The following XPNPEP2 variants were observed in gnomAD, a reference collection of about 807,000 sequenced individuals.
The protein encoded by XPNPEP2 is X-prolyl aminopeptidase 2.
In XPNPEP2, 64 loss-of-function variants were observed where a neutral mutation model predicts 59.8. That is an observed-to-expected ratio of 1.07 (90% CI 0.87 to 1.32). XPNPEP2 has a LOEUF of 1.32. XPNPEP2 is among the 40% of genes most tolerant of loss of function. XPNPEP2 has a pLI of 0.00. For missense variants in XPNPEP2, 575 were observed against 546.8 expected, an observed-to-expected ratio of 1.05 and a Z score of -0.51; for synonymous variants, 235 against 210.0, an observed-to-expected ratio of 1.12 and a Z score of -1.03.
At chrX:129,744,499 C>T (rs180679778) in intron 3 of XPNPEP2, among the ~76,000 whole-genome samples, 7 of 111,724 alleles carry the variant, frequency 6.3e-5, no homozygotes, top group Non-Finnish European at 1.3e-4. Context: ...TAAGGGAGCG[C>T]GGGGTTGGTT....
chrX:129,755,339 T>C lies in XPNPEP2; in HGVS notation c.1263T>C (p.Ala421=). Residue 421 remains alanine, a synonymous_variant, in exon 13 of 21, where the codon GCT becomes GCC. Transcript: ENST00000371106. ...SSGPSFETIS[A]SGLNAALAHY... Reference sequence around the variant, plus strand: ...GACCCAGTTTTGAAACCATCTCTGCTAGTGGTCTGAATGCTGCCCTGGCCC... The same window carrying C: ...GACCCAGTTTTGAAACCATCTCTGCCAGTGGTCTGAATGCTGCCCTGGCCC... 8.3e-7 allele frequency: 1 copy of C among 1,211,956 alleles called. No homozygotes were observed. The highest frequency in any genetic ancestry group is 1.1e-6 in the Non-Finnish European group (1 of 895,509).
chrX:129,768,243 C>G, intron 20 of XPNPEP2, 48 bp from the exon 21 acceptor site: 2 of 1,115,524 alleles, frequency 1.8e-6, no homozygotes, highest in Non-Finnish European at 2.4e-6. Flanking sequence ...GACTTCACCT[C>G]TTGGCAGCTT....
intron 8 of XPNPEP2, among the ~76,000 whole-genome samples, chrX:129,751,091 C>A: frequency 1.5e-5 from 1 of 67,206 alleles, no homozygotes; most frequent in African/African-American, 5.6e-5. Context: ...ATCTCAAAGA[C>A]GCCCACTCCC....
chrX:129,742,354 C>T (rs1346749022), intron 2 of XPNPEP2, among the ~76,000 whole-genome samples, 173 bp downstream of exon 2: 1 of 105,543 alleles, frequency 9.5e-6, no homozygotes, highest in East Asian at 3.0e-4. Context: ...GATTTCCGGA[C>T]TCTTGGGCCC....
At chrX:129,759,349 T>C in intron 15 of XPNPEP2, 109 bp downstream of exon 15, 1 of 991,572 alleles carries the variant, frequency 1.0e-6, no homozygotes, top group Non-Finnish European at 1.4e-6. Context: ...AGAGGTTAAG[T>C]AGTTTGCCCA....
intron 18 of XPNPEP2, among the ~76,000 whole-genome samples, 162 bp from the exon 19 acceptor site, chrX:129,762,532 C>T: frequency 8.9e-6 from 1 of 111,751 alleles, no homozygotes. Context: ...TGAGTTGCCT[C>T]TGCTTAGCCA....
intron 13 of XPNPEP2, 57 bp from the exon 14 acceptor site, chrX:129,756,427 C>T: frequency 1.7e-6 from 2 of 1,159,700 alleles, no homozygotes; most frequent in Non-Finnish European, 2.4e-6. Flanking sequence ...CCAAGGCCTC[C>T]CACGTGACCC....
At position 129,761,995 on chromosome X, in the gene XPNPEP2, T is replaced by G. The variant is rs142514147; in HGVS notation, c.1604-11T>G. On this transcript the variant is annotated splice_polypyrimidine_tract_variant and intron_variant, in intron 17 of 20. Transcript: ENST00000371106. Reference sequence around the variant, plus strand: ...GGAGAACTGATACCATGTTTATGTCTTCCTTTCTAGGGCCAGTGGGATTCC... The same window carrying G: ...GGAGAACTGATACCATGTTTATGTCGTCCTTTCTAGGGCCAGTGGGATTCC... 1.5e-3 allele frequency: 1,826 copies of G among 1,209,777 alleles called. 20 individuals carry two copies. The African/African-American group carries it at 0.027, about 18-fold the overall frequency.
chrX:129,750,333 G>A, intron 7 of XPNPEP2, 135 bp from the exon 8 acceptor site: 2 of 465,930 alleles, frequency 4.3e-6, no homozygotes, highest in Non-Finnish European at 7.3e-6. Flanking sequence ...ACACAAGTAA[G>A]AGTTTGTTTG....
rs146974093 is a variant in XPNPEP2 at position 129,748,331 on chromosome X, G to A, written c.637+578G>A. ...ATATAACATCAATAACCTTGACCCCGTTGACACTATCTAAATCCATCACAA... is the reference window on the plus strand; with the variant it reads ...ATATAACATCAATAACCTTGACCCCATTGACACTATCTAAATCCATCACAA... On this transcript the variant is annotated intron_variant, in intron 7 of 20. Coordinates refer to ENST00000371106, the MANE Select transcript of XPNPEP2 (RefSeq NM_003399.6). Among the ~76,000 whole-genome samples the A allele has an allele frequency of 2.3e-4, 26 of 112,195 alleles. No individual in the cohort carries two copies. The East Asian group carries it at 3.3e-3, about 14-fold the overall frequency.
intron 3 of XPNPEP2, among the ~76,000 whole-genome samples, 188 bp downstream of exon 3, chrX:129,744,259 A>C (rs774839845): frequency 1.8e-5 from 2 of 112,446 alleles, no homozygotes; most frequent in Admixed American, 1.9e-4. Context: ...ATAGGCGGGC[A>C]GACATTGCCA....
At chrX:129,759,076 A>ACCCAT in intron 14 of XPNPEP2, 104 bp from the exon 15 acceptor site, 2 of 973,820 alleles carry the variant, frequency 2.1e-6, no homozygotes, top group East Asian at 3.1e-5. Flanking sequence ...TTCGCCGTCC[A>ACCCAT]CCCATCCCAT....
In XPNPEP2 at chrX:129,761,280, G is replaced by A. The variant is rs1377167992; in HGVS notation, c.1603+4G>A. 8.3e-7 allele frequency: 1 copy of A among 1,200,576 alleles called. No individual in the cohort carries two copies. Among genetic ancestry groups the A allele is most frequent in the East Asian group, 3.0e-5 (1 of 33,796 alleles). ...AACTTCCTGTGTGTGCATGAGTGTA[G>A]GTGTCTCCTCAGCACTCCCCAGGCC... On this transcript the variant is annotated splice_donor_region_variant and intron_variant, in intron 17 of 20. Transcript: ENST00000371106.
intron 15 of XPNPEP2, among the ~76,000 whole-genome samples, chrX:129,760,132 G>A (rs1926629006): frequency 8.9e-6 from 1 of 112,388 alleles, no homozygotes; most frequent in African/African-American, 3.2e-5. Flanking sequence ...TCTTCCCATC[G>A]CAGATAAGGA....
At position 129,762,007 on chromosome X, in the gene XPNPEP2, G is replaced by A; in HGVS notation, c.1605G>A (p.Trp535Ter). 1 of 1,211,482 alleles carries A rather than the reference G, an allele frequency of 8.3e-7. No individual in the cohort carries two copies. Among genetic ancestry groups the A allele is most frequent in the Non-Finnish European group, 1.1e-6 (1 of 895,205 alleles). ...CCATGTTTATGTCTTCCTTTCTAGGGCCAGTGGGATTCCAGTCCAACAACA... is the reference window on the plus strand; with the variant it reads ...CCATGTTTATGTCTTCCTTTCTAGGACCAGTGGGATTCCAGTCCAACAACA... ...GIGNFLCVHE[W>*]PVGFQSNNIA... is the part of the protein sequence containing the mutation. The change falls in exon 18 of 21, where the codon TGG becomes TGA. Residue 535 changes from tryptophan to a stop codon, truncating the protein, a stop_gained and splice_region_variant. Transcript: ENST00000371106. LOFTEE classifies it high-confidence loss of function.
intron 4 of XPNPEP2, 146 bp downstream of exon 4, chrX:129,745,412 A>AT (rs2124017964): frequency 1.6e-6 from 1 of 615,418 alleles, no homozygotes; most frequent in Non-Finnish European, 2.5e-6. Context: ...TCCCTCCACC[A>AT]CCCCAAAACC....
intron 8 of XPNPEP2, among the ~76,000 whole-genome samples, chrX:129,751,050 TG>T (rs1880086506): frequency 9.3e-6 from 1 of 107,622 alleles, no homozygotes; most frequent in Admixed American, 1.0e-4. Flanking sequence ...TGCATTTTTC[TG>T]GGGGGAAAAG....
At chrX:129,757,023 T>TATATATATATATATATAC (rs1491537516) in intron 14 of XPNPEP2, among the ~76,000 whole-genome samples, 49 of 77,688 alleles carry the variant, frequency 6.3e-4, no homozygotes, top group African/African-American at 2.5e-3. Context: ...TATATATATA[T>TATATATATATATATATAC]ACACACACAC....
intron 20 of XPNPEP2, 33 bp from the exon 21 acceptor site, chrX:129,768,258 T>C: frequency 8.8e-7 from 1 of 1,130,379 alleles, no homozygotes; most frequent in African/African-American, 1.8e-5. Flanking sequence ...CAGCTTGGCT[T>C]AGAGAGGCTG....
Sources: gnomAD v4.1 joint callset for allele counts (sites outside exome capture counted in the v4.1 genomes callset) on GRCh38, gnomAD v4.1.1 for gene constraint, MANE v1.5 for transcripts, NCBI Gene and HGNC (gene_info 2026-07-23, HGNC 2026-07-21) for gene names.